The following SBF2 variants were observed in gnomAD, a reference collection of about 807,000 sequenced individuals.
SBF2 encodes the protein SET binding factor 2.
A neutral mutation model predicts 225.2 loss-of-function variants in SBF2; 112 were observed. That is an observed-to-expected ratio of 0.50 (90% CI 0.43 to 0.58). SBF2 has a LOEUF of 0.58. SBF2 is among the 20% of genes least tolerant of loss of function. The pLI is 0.00. For synonymous variants in SBF2, 763 were observed against 773.3 expected, an observed-to-expected ratio of 0.99 and a Z score of 0.22; for missense variants, 1,996 against 2,206.2, an observed-to-expected ratio of 0.90 and a Z score of 1.91.
At chr11:10,197,623 A>C (rs963070321) in intron 1 of SBF2, among the ~76,000 whole-genome samples, 1 of 152,216 alleles carries the variant, frequency 6.6e-6, no homozygotes, top group Non-Finnish European at 1.5e-5. Flanking sequence ...GAAGTTTGCC[A>C]TATCGATTGA....
intron 16 of SBF2, 125 bp from the exon 17 acceptor site, chr11:9,896,136 G>A: frequency 1.3e-6 from 1 of 771,516 alleles, no homozygotes; most frequent in Non-Finnish European, 2.3e-6. Context: ...ATTTTGCAGA[G>A]GACCTGACGG....
intron 13 of SBF2, among the ~76,000 whole-genome samples, chr11:9,971,907 A>T (rs1027177715): frequency 6.6e-6 from 1 of 152,220 alleles, no homozygotes; most frequent in Non-Finnish European, 1.5e-5. Flanking sequence ...AACAACTGTT[A>T]TTAGTGAAGG....
chr11:9,912,283 TAAA>T (rs1564991921), intron 16 of SBF2, among the ~76,000 whole-genome samples: 1 of 125,010 alleles, frequency 8.0e-6, no homozygotes, highest in Non-Finnish European at 1.7e-5. Flanking sequence ...CTGCACTCTA[TAAA>T]TTTTTTTTGT....
intron 6 of SBF2, among the ~76,000 whole-genome samples, chr11:10,012,945 AT>A (rs1196936825): frequency 6.6e-6 from 1 of 152,108 alleles, no homozygotes; most frequent in Non-Finnish European, 1.5e-5. Flanking sequence ...TCAGTCCATA[AT>A]TTGGGCAGAG....
intron 16 of SBF2, among the ~76,000 whole-genome samples, chr11:9,940,414 T>A (rs74600386): frequency 8.6e-5 from 13 of 151,602 alleles, no homozygotes; most frequent in East Asian, 1.9e-4. Flanking sequence ...CAAAAAAAAA[T>A]TTTTTTTAAA....
At chr11:10,130,626 A>C (rs1028097194) in intron 2 of SBF2, among the ~76,000 whole-genome samples, 5 of 152,186 alleles carry the variant, frequency 3.3e-5, no homozygotes, top group Admixed American at 3.3e-4. Context: ...TCACCATCAC[A>C]ATCAATAAAT....
At chr11:10,051,990 T>C (rs527542079) in intron 2 of SBF2, among the ~76,000 whole-genome samples, 5 of 152,224 alleles carry the variant, frequency 3.3e-5, no homozygotes, top group African/African-American at 1.2e-4. Context: ...ATGTGGACAT[T>C]ACAATTCTTG....
intron 14 of SBF2, among the ~76,000 whole-genome samples, chr11:9,965,601 T>C (rs1170658498): frequency 6.6e-6 from 1 of 152,170 alleles, no homozygotes; most frequent in African/African-American, 2.4e-5. Flanking sequence ...AACTTTTTAA[T>C]AAAACTAATT....
chr11:10,203,650 T>A (rs4909919), intron 1 of SBF2, among the ~76,000 whole-genome samples: 12,062 of 152,044 alleles, frequency 0.079, 694 homozygotes, highest in Middle Eastern at 0.15. Flanking sequence ...TCAACTGAAA[T>A]AGACTCCAAA....
At chr11:10,242,460 A>G (rs1218772683) in intron 1 of SBF2, among the ~76,000 whole-genome samples, 1 of 152,160 alleles carries the variant, frequency 6.6e-6, no homozygotes, top group East Asian at 1.9e-4. Context: ...ATAACTATAA[A>G]ACGGACAGAA....
At chr11:10,173,432 C>T (rs979214976) in intron 2 of SBF2, among the ~76,000 whole-genome samples, 4 of 152,200 alleles carry the variant, frequency 2.6e-5, no homozygotes, top group Non-Finnish European at 4.4e-5. Context: ...CACTCCCACC[C>T]GAATACTGCG....
At chr11:10,056,943 T>C (rs1278991570) in intron 2 of SBF2, among the ~76,000 whole-genome samples, 5 of 151,698 alleles carry the variant, frequency 3.3e-5, no homozygotes, top group Admixed American at 3.3e-4. Context: ...TTTAAGCAGT[T>C]CCAATCCCGT....
At chr11:9,982,913 A>G (rs1377062028) in intron 13 of SBF2, among the ~76,000 whole-genome samples, 1 of 152,196 alleles carries the variant, frequency 6.6e-6, no homozygotes, top group Admixed American at 6.5e-5. Context: ...AAAGCAGCAG[A>G]AAGGCCCTGG....
intron 6 of SBF2, among the ~76,000 whole-genome samples, chr11:10,015,421 G>A (rs1254140112): frequency 6.6e-6 from 1 of 152,202 alleles, no homozygotes; most frequent in Non-Finnish European, 1.5e-5. Context: ...TGGAAGTCCT[G>A]TGATCAAATT....
intron 9 of SBF2, among the ~76,000 whole-genome samples, chr11:9,997,179 G>GA (rs1947741815): frequency 6.6e-6 from 1 of 152,044 alleles, no homozygotes; most frequent in Non-Finnish European, 1.5e-5. Context: ...ATTTAAGAGG[G>GA]GAAAAAATGT....
intron 16 of SBF2, among the ~76,000 whole-genome samples, chr11:9,923,309 A>AAACAACAAC (rs112653428): frequency 3.2e-4 from 48 of 151,476 alleles, no homozygotes; most frequent in African/African-American, 7.3e-4. Context: ...CCCTAGTTAA[A>AAACAACAAC]AACAACAACA....
intron 1 of SBF2, among the ~76,000 whole-genome samples, chr11:10,252,084 G>A (rs140668258): frequency 6.6e-6 from 1 of 152,252 alleles, no homozygotes; most frequent in Non-Finnish European, 1.5e-5. Context: ...TCCTAGAACA[G>A]ACCAGGTTCT....
At chr11:10,171,038 G>A (rs1956162504) in intron 2 of SBF2, among the ~76,000 whole-genome samples, 2 of 151,906 alleles carry the variant, frequency 1.3e-5, no homozygotes, top group African/African-American at 4.8e-5. Context: ...ATAGTTTTTT[G>A]GTGAAGTGTT....
At chr11:9,853,050 C>T (rs547303919) in intron 20 of SBF2, among the ~76,000 whole-genome samples, 2 of 152,208 alleles carry the variant, frequency 1.3e-5, no homozygotes, top group East Asian at 1.9e-4. Flanking sequence ...GACAGCCATA[C>T]CATGGAAAGT....
Sources: gnomAD v4.1 joint callset for allele counts (sites outside exome capture counted in the v4.1 genomes callset) on GRCh38, gnomAD v4.1.1 for gene constraint, MANE v1.5 for transcripts, NCBI Gene and HGNC (gene_info 2026-07-23, HGNC 2026-07-21) for gene names.